Variants in RASGRP3 observed in about 807,000 individuals in gnomAD.
RASGRP3 encodes the protein ras guanyl-releasing protein 3.
In RASGRP3, 54 loss-of-function variants were observed where a neutral mutation model predicts 82.7. The observed-to-expected ratio is 0.65, with a 90% CI of 0.52 to 0.82. The LOEUF is 0.82. RASGRP3 is among the 40% of genes least tolerant of loss of function. The pLI, the probability that RASGRP3 is intolerant of heterozygous loss-of-function variation, is 0.00. For synonymous variants in RASGRP3, 309 were observed against 300.5 expected, an observed-to-expected ratio of 1.03 and a Z score of -0.29; for missense variants, 861 against 828.9, an observed-to-expected ratio of 1.04 and a Z score of -0.48.
At position 33,540,776 on chromosome 2, in the gene RASGRP3, T is replaced by C. The variant is rs1460375987; in HGVS notation, c.1278+1566T>C. On this transcript the variant is annotated intron_variant, in intron 12 of 17. Transcript: ENST00000403687. ...AAATCTTCTACTCGTGGTATAAATA[T>C]GGATGTTAAACTATAAATAGTAGGC... is the stretch of plus-strand genomic sequence containing the variant. Among the ~76,000 whole-genome samples the C allele has an allele frequency of 1.4e-5, 2 of 145,900 alleles. 1 individual carries two copies.
intron 1 of RASGRP3, among the ~76,000 whole-genome samples, chr2:33,509,996 G>A (rs1413096080): frequency 6.6e-6 from 1 of 152,212 alleles, no homozygotes; most frequent in Non-Finnish European, 1.5e-5. Context: ...AATTAAGTTT[G>A]CATATTTCCA....
chr2:33,523,287 C>T (rs1672202073), intron 7 of RASGRP3, among the ~76,000 whole-genome samples: 2 of 151,932 alleles, frequency 1.3e-5, no homozygotes, highest in South Asian at 4.2e-4. Flanking sequence ...CGTGGTGAAA[C>T]CCCATCTCTA....
Position 33,523,920 on chromosome 2 carries a change from G to A in RASGRP3, c.558G>A (p.Glu186=). The change falls in exon 8 of 18, where the codon GAG becomes GAA. Residue 186 remains glutamate, a synonymous_variant. Transcript: ENST00000403687. ...YQSYVIHGCL[E]NNPTLERSIA... ...GCTATGTCATCCATGGCTGCCTGGA[G>A]AATAATCCAACCTTGGAAAGATCGA... 3 of 1,613,706 alleles carry A rather than the reference G, an allele frequency of 1.9e-6. No homozygotes were observed. Among genetic ancestry groups the A allele is most frequent in the Non-Finnish European group, 2.5e-6 (3 of 1,179,712 alleles).
At chr2:33,548,720 T>TTATTATTATTA (rs1675078070) in intron 13 of RASGRP3, among the ~76,000 whole-genome samples, 1 of 138,464 alleles carries the variant, frequency 7.2e-6, no homozygotes, top group African/African-American at 2.5e-5. Context: ...TATTATTATT[T>TTATTATTATTA]TTTGAGACAA....
chr2:33,443,322 G>A (rs528494044), intron 1 of RASGRP3, among the ~76,000 whole-genome samples: 3 of 152,180 alleles, frequency 2.0e-5, no homozygotes, highest in South Asian at 4.2e-4. Flanking sequence ...TGAAAATGAG[G>A]GATGGGTTAT....
Position 33,540,613 on chromosome 2 carries a change from ATTTC to A in RASGRP3, c.1278+1405_1278+1408del, listed in dbSNP as rs748884093. On this transcript the variant is annotated intron_variant, in intron 12 of 17. Coordinates refer to ENST00000403687, the MANE Select transcript of RASGRP3 (RefSeq NM_001139488.2). ...GTGTGTGTGTGTGTGTGTCTGGGGAATTTCTCTCTCTCTCTCTCTCTCTCTCTGT... is the reference window on the plus strand; with the variant it reads ...GTGTGTGTGTGTGTGTGTCTGGGGAATCTCTCTCTCTCTCTCTCTCTCTGT... 3.1e-4 allele frequency among the ~76,000 whole-genome samples: 18 copies of A among 57,520 alleles called. 3 individuals are homozygous for A. Among genetic ancestry groups the A allele is most frequent in the Non-Finnish European group, 6.4e-4 (16 of 25,192 alleles). The allele number at this position is 57,520 out of a possible 152,430, so 37.7% of individuals were successfully genotyped here.
chr2:33,507,975 G>A (rs898910800), intron 1 of RASGRP3, among the ~76,000 whole-genome samples: 3 of 152,234 alleles, frequency 2.0e-5, no homozygotes, highest in African/African-American at 7.2e-5. Flanking sequence ...ATGTGTCCAT[G>A]GAGAAGGGAA....
intron 10 of RASGRP3, chr2:33,533,689 C>G (rs1481647794): frequency 6.6e-6 from 1 of 152,542 alleles, no homozygotes. Context: ...CACACAGCCT[C>G]TGCCCTCGTG....
intron 12 of RASGRP3, 30 bp from the exon 13 acceptor site, chr2:33,543,482 A>T: frequency 7.1e-7 from 1 of 1,405,110 alleles, no homozygotes; most frequent in Non-Finnish European, 1.0e-6. Context: ...CCTTATAGTC[A>T]TTCAATAAAT....
At chr2:33,478,094 G>A (rs1001089513) in intron 1 of RASGRP3, among the ~76,000 whole-genome samples, 4 of 152,066 alleles carry the variant, frequency 2.6e-5, no homozygotes, top group South Asian at 4.1e-4. Context: ...CCCAGGGCAC[G>A]GCACTTCTGC....
At chr2:33,523,800 C>A in intron 7 of RASGRP3, 79 bp from the exon 8 acceptor site, 6 of 1,322,622 alleles carry the variant, frequency 4.5e-6, no homozygotes, top group Non-Finnish European at 5.2e-6. Flanking sequence ...AATATCTCAC[C>A]TTTTCTATGC....
intron 4 of RASGRP3, among the ~76,000 whole-genome samples, chr2:33,517,680 A>G (rs183792858): frequency 2.6e-5 from 4 of 152,278 alleles, no homozygotes; most frequent in African/African-American, 9.6e-5. Flanking sequence ...ATATGACTCC[A>G]CTGTTGAGGT....
At chr2:33,556,747 G>C (rs1676009165) in intron 15 of RASGRP3, among the ~76,000 whole-genome samples, 2 of 151,998 alleles carry the variant, frequency 1.3e-5, no homozygotes, top group African/African-American at 4.8e-5. Flanking sequence ...AGTGCTCAGA[G>C]GGACCTTCCC....
At chr2:33,557,054 C>T (rs1274236457) in intron 15 of RASGRP3, among the ~76,000 whole-genome samples, 1 of 151,458 alleles carries the variant, frequency 6.6e-6, no homozygotes, top group Non-Finnish European at 1.5e-5. Flanking sequence ...CTATTTGAAA[C>T]AAGGTCACTT....
chr2:33,502,841 T>A (rs1386721275), intron 1 of RASGRP3, among the ~76,000 whole-genome samples: 1 of 152,164 alleles, frequency 6.6e-6, no homozygotes, highest in East Asian at 1.9e-4. Context: ...ACCTTTACTT[T>A]ATGAAAAGCT....
chr2:33,560,828 C>T (rs1057215118), intron 17 of RASGRP3, among the ~76,000 whole-genome samples: 3 of 152,190 alleles, frequency 2.0e-5, no homozygotes, highest in African/African-American at 7.2e-5. Flanking sequence ...GCCATGAGCT[C>T]ATTACTATTG....
At chr2:33,461,696 C>G (rs1284431548) in intron 2 of RASGRP3, among the ~76,000 whole-genome samples, 2 of 152,212 alleles carry the variant, frequency 1.3e-5, no homozygotes, top group Admixed American at 6.5e-5. Context: ...GATTCTTACT[C>G]TGCTATGGAT....
chr2:33,538,060 A>G (rs529839828), intron 11 of RASGRP3, among the ~76,000 whole-genome samples: 34 of 152,338 alleles, frequency 2.2e-4, no homozygotes, highest in African/African-American at 7.2e-4. Context: ...ATCACTAAGT[A>G]TTAGAGAATT....
At chr2:33,543,158 A>G (rs2151077293) in intron 12 of RASGRP3, among the ~76,000 whole-genome samples, 1 of 152,236 alleles carries the variant, frequency 6.6e-6, no homozygotes, top group African/African-American at 2.4e-5. Context: ...GACTATAGGC[A>G]TGCACCACCG....
Sources: allele counts gnomAD v4.1 joint callset (sites outside exome capture counted in the v4.1 genomes callset), GRCh38; gene constraint gnomAD v4.1.1; transcripts MANE v1.5; gene names NCBI Gene and HGNC (gene_info 2026-07-23, HGNC 2026-07-21).